Variants in ADD1 observed in about 807,000 individuals in gnomAD.
ADD1 encodes adducin 1, also known as alpha-adducin.
In ADD1, 24 loss-of-function variants were observed where a neutral mutation model predicts 80.5. The ratio of observed to expected loss-of-function variants is 0.30; its 90% CI spans 0.22 to 0.42. The LOEUF (loss-of-function observed/expected upper bound fraction) is 0.42, where lower values mean the gene tolerates loss of function less well. Ranked by LOEUF, ADD1 falls within the 10% of genes least tolerant of loss-of-function variation. The probability of loss-of-function intolerance (pLI) is 1.00; values close to 1 mark genes in which losing one functional copy is unlikely to be tolerated. For synonymous variants in ADD1, 373 were observed against 393.8 expected, an observed-to-expected ratio of 0.95 and a Z score of 0.63; for missense variants, 948 against 1,019.0, an observed-to-expected ratio of 0.93 and a Z score of 0.95.
chr4:2,894,593 T>A lies in ADD1; in HGVS notation c.603T>A (p.Asn201Lys), dbSNP rs779462533. The A allele has an allele frequency of 1.2e-6, 2 of 1,604,100 alleles. No individual in the cohort carries two copies. The highest frequency in any genetic ancestry group is 2.2e-5 in the South Asian group (2 of 89,092). The change falls in exon 6 of 16, where the codon AAT (asparagine) becomes AAA (lysine). Residue 201 changes from asparagine to lysine, a missense_variant. Asn to Lys is a moderately conservative substitution (Grantham distance 94, BLOSUM62 0). Coordinates refer to ENST00000683351, the MANE Select transcript of ADD1 (RefSeq NM_001354761.2). ...EVTASSLVKI[N>K]LQGDIVDRGS... ...TTTTTTATTTTCAGGTTAAGATCAA[T>A]CTACAAGGAGATATAGTAGATCGTG...
At chr4:2,865,314 C>T (rs1729384095) in intron 1 of ADD1, among the ~76,000 whole-genome samples, 1 of 152,106 alleles carries the variant, frequency 6.6e-6, no homozygotes, top group Non-Finnish European at 1.5e-5. Flanking sequence ...ATGAACATAC[C>T]TTTGGCAAGT....
In ADD1 at chr4:2,872,655, C is replaced by T. The variant is rs79802288; in HGVS notation, c.-20-3241C>T. 2.3e-3 allele frequency among the ~76,000 whole-genome samples: 348 copies of T among 152,264 alleles called. 9 individuals are homozygous for T. The East Asian group carries it at 0.052, about 23-fold the overall frequency. On this transcript the variant is annotated intron_variant, in intron 1 of 15. Transcript: ENST00000683351. ...TCTCTGCAGCCTTGACCTCCCAGGTCGAGTGATCCTCTCTCCTCGGACTCC... is the reference window on the plus strand; with the variant it reads ...TCTCTGCAGCCTTGACCTCCCAGGTTGAGTGATCCTCTCTCCTCGGACTCC...
rs779689904 is a variant in ADD1, at chr4:2,928,400, CGAG to C, written c.2282_2284del (p.Glu761del). 6.2e-7 allele frequency: 1 copy of C among 1,613,196 alleles called. No homozygotes were observed. Among genetic ancestry groups the C allele is most frequent in the South Asian group, 1.1e-5 (1 of 91,058 alleles). On this transcript the variant is annotated inframe_deletion, in exon 16 of 16. Transcript: ENST00000683351. ...CTGAAGAGGCTGCCCCCTCAGCTGT[CGAG>C]GAGGGGGCCGCCGCGGACCCTGGCA... is the stretch of plus-strand genomic sequence containing the variant.
At chr4:2,924,162 T>C (rs1740570227) in intron 14 of ADD1, among the ~76,000 whole-genome samples, 1 of 152,244 alleles carries the variant, frequency 6.6e-6, no homozygotes, top group Non-Finnish European at 1.5e-5. Flanking sequence ...GTCTTGTTTT[T>C]GTCAAAGATG....
chr4:2,886,499 C>T (rs77213515), intron 4 of ADD1, among the ~76,000 whole-genome samples: 2,910 of 152,252 alleles, frequency 0.019, 60 homozygotes, highest in African/African-American at 0.046. Flanking sequence ...AGAATGTCAT[C>T]GCTGCTTTAT....
intron 4 of ADD1, among the ~76,000 whole-genome samples, chr4:2,884,927 G>A (rs1439041064): frequency 6.6e-6 from 1 of 152,166 alleles, no homozygotes; most frequent in African/African-American, 2.4e-5. Context: ...ATTATATGCA[G>A]TTTCTAAAAT....
At chr4:2,906,656 A>C (rs1163250757) in intron 10 of ADD1, among the ~76,000 whole-genome samples, 2 of 152,176 alleles carry the variant, frequency 1.3e-5, no homozygotes, top group African/African-American at 4.8e-5. Flanking sequence ...TTCATTTATA[A>C]TGATTGCTGT....
intron 2 of ADD1, 100 bp from the exon 3 acceptor site, chr4:2,881,798 G>A (rs1732392092): frequency 2.0e-6 from 2 of 1,014,832 alleles, no homozygotes; most frequent in Admixed American, 3.4e-5. Flanking sequence ...TTCCAGCACT[G>A]GATGAAAACA....
rs951494132 is a variant in ADD1 at position 2,926,218 on chromosome 4, G to A, written c.2047+106G>A. On this transcript the variant is annotated intron_variant, in intron 15 of 15. Coordinates refer to ENST00000683351, the MANE Select transcript of ADD1 (RefSeq NM_001354761.2). This position sits in a 1 kb window ranked among gnomAD's most constrained non-coding sequence, Gnocchi z 5.0. ...TGTTAACAGCAACACGGAAGTGTGTGCTTGCATCAGCGCCAGGACGTGACA... is the reference window on the plus strand; with the variant it reads ...TGTTAACAGCAACACGGAAGTGTGTACTTGCATCAGCGCCAGGACGTGACA... 3.1e-5 allele frequency: 31 copies of A among 985,788 alleles called. No individual in the cohort carries two copies. The highest frequency in any genetic ancestry group is 4.8e-5 in the Non-Finnish European group (30 of 623,262). The allele number at this position is 985,788 out of a possible 1,614,324, so 61.1% of individuals were successfully genotyped here. A position where few individuals can be genotyped will look rare whatever the true frequency, so the allele number is the denominator to read the frequency against.
At chr4:2,853,703 A>C (rs1727658081) in intron 1 of ADD1, 1 of 151,894 alleles carries the variant, frequency 6.6e-6, no homozygotes, top group Admixed American at 6.6e-5. Context: ...TCCCAGGTTC[A>C]AGCGATTCTC....
At chr4:2,849,997 C>G (rs1160804629) in intron 1 of ADD1, among the ~76,000 whole-genome samples, 1 of 152,196 alleles carries the variant, frequency 6.6e-6, no homozygotes, top group African/African-American at 2.4e-5. Context: ...TATGTCCGTA[C>G]AAAAGCTTGT....
chr4:2,886,254 C>G (rs1168897393), intron 4 of ADD1, among the ~76,000 whole-genome samples: 1 of 152,168 alleles, frequency 6.6e-6, no homozygotes, highest in African/African-American at 2.4e-5. Flanking sequence ...GACTCATAAC[C>G]AGCGGTGCTT....
intron 2 of ADD1, among the ~76,000 whole-genome samples, chr4:2,878,217 G>A (rs1407685060): frequency 6.6e-6 from 1 of 152,184 alleles, no homozygotes; most frequent in African/African-American, 2.4e-5. Flanking sequence ...AGGACAAACG[G>A]TATTTTAAAG....
chr4:2,915,122 G>C, intron 14 of ADD1, 82 bp downstream of exon 14: 2 of 1,444,462 alleles, frequency 1.4e-6, no homozygotes, highest in Non-Finnish European at 1.9e-6. Flanking sequence ...GGTGCTGGCT[G>C]TGGGTGGTGA....
At chr4:2,870,374 A>G (rs1224484816) in intron 1 of ADD1, among the ~76,000 whole-genome samples, 2 of 152,280 alleles carry the variant, frequency 1.3e-5, no homozygotes, top group Admixed American at 6.5e-5. Context: ...CTGGGACATT[A>G]GAAAAGAGAC....
rs1006381446 is a variant in ADD1, at chr4:2,898,497, A to C, written c.950A>C (p.Tyr317Ser). The C allele has an allele frequency of 1.2e-6, 2 of 1,614,082 alleles. No homozygotes were observed. Among genetic ancestry groups the C allele is most frequent in the Admixed American group, 3.3e-5 (2 of 59,990 alleles). Residue 317 changes from tyrosine (Y) to serine (S), a missense_variant, in exon 8 of 16, where the codon TAC becomes TCC. By Grantham distance (144) the Tyr-to-Ser change is moderately radical. Transcript: ENST00000683351. Reference protein sequence around the residue: ...VGESVEEAFYYIHNLVVACEI... With the variant: ...VGESVEEAFYSIHNLVVACEI... ...GAGAGCGTTGAGGAGGCCTTCTATT[A>C]CATCCATAACCTTGTGGTTGCCTGT...
At chr4:2,894,527 A>T in intron 5 of ADD1, 55 bp from the exon 6 acceptor site, 1 of 1,473,932 alleles carries the variant, frequency 6.8e-7, no homozygotes, top group Non-Finnish European at 9.1e-7. Context: ...AAAAAAAAAG[A>T]AAAGAAAAAA....
intron 1 of ADD1, among the ~76,000 whole-genome samples, chr4:2,864,901 T>C (rs960940837): frequency 6.6e-5 from 10 of 152,192 alleles, no homozygotes; most frequent in African/African-American, 1.2e-4. Context: ...CCTCACTTGT[T>C]TTATTTTTCA....
intron 13 of ADD1, among the ~76,000 whole-genome samples, chr4:2,914,147 T>C (rs1241555345): frequency 6.6e-6 from 1 of 151,988 alleles, no homozygotes; most frequent in Non-Finnish European, 1.5e-5. Context: ...GGCACAGCGC[T>C]GTGCTGGGGC....
Sources: gnomAD v4.1 joint callset for allele counts (sites outside exome capture counted in the v4.1 genomes callset) on GRCh38, gnomAD v4.1.1 for gene constraint, Gnocchi (gnomAD v3.1) non-coding constraint, MANE v1.5 for transcripts, NCBI Gene and HGNC (gene_info 2026-07-23, HGNC 2026-07-21) for gene names.